FGGY: variants seen among roughly 807,000 people sequenced by gnomAD.
The protein encoded by FGGY is FGGY carbohydrate kinase domain containing, also known as FGGY carbohydrate kinase domain-containing protein.
FGGY carries 72 observed loss-of-function variants against 71.3 expected under a neutral mutation model. The ratio of observed to expected loss-of-function variants is 1.01; its 90% CI spans 0.84 to 1.23. The LOEUF is 1.23. FGGY is among the 50% of genes most tolerant of loss of function. FGGY has a pLI of 0.00. For synonymous variants in FGGY, 251 were observed against 250.3 expected (o/e 1.00, Z -0.02); for missense variants, 668 against 682.3 (o/e 0.98, Z 0.23).
intron 14 of FGGY, among the ~76,000 whole-genome samples, chr1:59,708,853 T>C (rs1455773829): frequency 2.0e-5 from 3 of 152,192 alleles, no homozygotes; most frequent in East Asian, 3.9e-4. Context: ...TCAAAGGAAA[T>C]GCTCATTGGA....
intron 14 of FGGY, among the ~76,000 whole-genome samples, chr1:59,713,328 T>C (rs1401402921): frequency 6.6e-6 from 1 of 152,188 alleles, no homozygotes; most frequent in Admixed American, 6.5e-5. Flanking sequence ...TCCAAACCGT[T>C]CTACCCTCTG....
At chr1:59,687,998 A>C (rs2097558889) in intron 14 of FGGY, among the ~76,000 whole-genome samples, 1 of 152,182 alleles carries the variant, frequency 6.6e-6, no homozygotes, top group African/African-American at 2.4e-5. Flanking sequence ...TCATGGAGAG[A>C]CGTTCACTTG....
intron 5 of FGGY, among the ~76,000 whole-genome samples, chr1:59,454,296 T>C (rs1363200686): frequency 6.6e-6 from 1 of 152,184 alleles, no homozygotes; most frequent in Non-Finnish European, 1.5e-5. Flanking sequence ...ATATTACTCT[T>C]GCCAGGGAGC....
At chr1:59,693,663 A>T (rs2097618235) in intron 14 of FGGY, among the ~76,000 whole-genome samples, 1 of 152,054 alleles carries the variant, frequency 6.6e-6, no homozygotes, top group African/African-American at 2.4e-5. Flanking sequence ...GGAGAAGAAG[A>T]GGAAGGAAGA....
chr1:59,607,915 G>A lies in FGGY; in HGVS notation c.1011+5G>A, dbSNP rs200666364. 2.4e-3 allele frequency: 3,923 copies of A among 1,609,928 alleles called. 5 individuals carry two copies. Among genetic ancestry groups the A allele is most frequent in the Non-Finnish European group, 3.2e-3 (3,783 of 1,176,290 alleles). Reference sequence around the variant, plus strand: ...CAGAGCGTTACTGGAAAATTGGTAAGTTGACACTTTCTCAATAGGGTCATG... The same window carrying A: ...CAGAGCGTTACTGGAAAATTGGTAAATTGACACTTTCTCAATAGGGTCATG... On this transcript the variant is annotated splice_donor_5th_base_variant and intron_variant, in intron 9 of 15. Transcript: ENST00000303721.
chr1:59,567,046 C>CAGACAGAAAAATACCAGTT (rs1214361072), intron 8 of FGGY, among the ~76,000 whole-genome samples: 1 of 152,080 alleles, frequency 6.6e-6, no homozygotes, highest in East Asian at 1.9e-4. Context: ...AGCATAAGGA[C>CAGACAGAAAAATACCAGTT]AGACAGAAAA....
At chr1:59,567,510 A>G (rs763095499) in intron 8 of FGGY, among the ~76,000 whole-genome samples, 2 of 152,004 alleles carry the variant, frequency 1.3e-5, no homozygotes, top group Non-Finnish European at 2.9e-5. Flanking sequence ...CCCAGGTACT[A>G]TTTGACATAC....
rs2101959198 is a variant in FGGY at position 59,762,651 on chromosome 1, C to A, written c.*67C>A. ...TGCATTAAAGACTTGTCATTTGATC[C>A]ATGTTCAAGACCCTTGAGGTATTGT... On this transcript the variant is annotated 3_prime_UTR_variant, in exon 16 of 16. Transcript: ENST00000303721. 1 of 1,174,356 alleles carries A rather than the reference C, an allele frequency of 8.5e-7. No homozygotes were observed. Among genetic ancestry groups the A allele is most frequent in the Non-Finnish European group, 1.3e-6 (1 of 794,160 alleles). The allele number at this position is 1,174,356 out of a possible 1,614,324, so 72.7% of individuals were successfully genotyped here.
chr1:59,697,268 G>T (rs544391401), intron 14 of FGGY, among the ~76,000 whole-genome samples: 12 of 152,154 alleles, frequency 7.9e-5, no homozygotes, highest in Admixed American at 7.9e-4. Context: ...TCACATTATT[G>T]TGCAACCATC....
chr1:59,611,414 T>A (rs557865710), intron 9 of FGGY, among the ~76,000 whole-genome samples: 1 of 152,066 alleles, frequency 6.6e-6, no homozygotes, highest in Non-Finnish European at 1.5e-5. Flanking sequence ...GCCAGCAATC[T>A]CCAACAGACC....
At chr1:59,346,444 T>A in intron 4 of FGGY, 46 bp downstream of exon 4, 1 of 1,599,072 alleles carries the variant, frequency 6.3e-7, no homozygotes, top group Non-Finnish European at 8.5e-7. Context: ...TAGTAGAGGA[T>A]TCCTGTTACT....
intron 14 of FGGY, among the ~76,000 whole-genome samples, chr1:59,740,430 G>C (rs74800963): frequency 2.6e-5 from 4 of 152,136 alleles, no homozygotes; most frequent in African/African-American, 9.7e-5. Context: ...TCTTAGATCC[G>C]GTAGTGAGCT....
At chr1:59,564,292 C>G (rs907407292) in intron 8 of FGGY, among the ~76,000 whole-genome samples, 1 of 152,232 alleles carries the variant, frequency 6.6e-6, no homozygotes, top group East Asian at 1.9e-4. Context: ...GTATCTCCAT[C>G]TAACAACTGT....
intron 5 of FGGY, among the ~76,000 whole-genome samples, chr1:59,390,435 C>T (rs184463383): frequency 1.1e-4 from 16 of 152,176 alleles, no homozygotes; most frequent in Admixed American, 9.8e-4. Context: ...TCCAAGATGG[C>T]GGTTGAAGTT....
At chr1:59,318,488 T>G (rs2045846250) in intron 1 of FGGY, 1 of 152,304 alleles carries the variant, frequency 6.6e-6, no homozygotes, top group Non-Finnish European at 1.5e-5. Context: ...AGCCCAGGGC[T>G]AACTGTAGAG....
chr1:59,614,726 A>G (rs1483661743), intron 9 of FGGY, among the ~76,000 whole-genome samples: 1 of 152,208 alleles, frequency 6.6e-6, no homozygotes, highest in East Asian at 1.9e-4. Flanking sequence ...TTTGTAGATG[A>G]CATGATTGTA....
At chr1:59,302,453 T>C (rs540118838) in intron 1 of FGGY, among the ~76,000 whole-genome samples, 1 of 152,304 alleles carries the variant, frequency 6.6e-6, no homozygotes, top group East Asian at 1.9e-4. Flanking sequence ...ATGTGGTACA[T>C]ATGCACCATG....
At chr1:59,346,186 TC>T in intron 3 of FGGY, 60 bp from the exon 4 acceptor site, 2 of 1,589,368 alleles carry the variant, frequency 1.3e-6, no homozygotes, top group South Asian at 2.2e-5. Context: ...CCATAATTGT[TC>T]CCTTGAATTA....
At chr1:59,537,253 T>A (rs1299614313) in intron 7 of FGGY, among the ~76,000 whole-genome samples, 4 of 151,790 alleles carry the variant, frequency 2.6e-5, no homozygotes, top group Non-Finnish European at 5.9e-5. Context: ...CACAATTGCT[T>A]CAAAGAGAAT....
Sources: allele counts gnomAD v4.1 joint callset (sites outside exome capture counted in the v4.1 genomes callset), GRCh38; gene constraint gnomAD v4.1.1; transcripts MANE v1.5; gene names NCBI Gene and HGNC (gene_info 2026-07-23, HGNC 2026-07-21).